Variants in SPIC observed in about 807,000 individuals in gnomAD.
The protein encoded by SPIC is Spi-C transcription factor, also known as transcription factor Spi-C.
In SPIC, 9 loss-of-function variants were observed where a neutral mutation model predicts 16.7. The ratio of observed to expected loss-of-function variants is 0.54; its 90% CI spans 0.33 to 0.94. The LOEUF is 0.94. Among genes scored for constraint, SPIC ranks in the 40% least tolerant of loss-of-function variants. The pLI is 0.03. For missense variants in SPIC, 241 were observed against 285.8 expected, an observed-to-expected ratio of 0.84 and a Z score of 1.13; for synonymous variants, 97 against 102.9, an observed-to-expected ratio of 0.94 and a Z score of 0.35.
chr12:101,486,442 T>C lies in SPIC; in HGVS notation c.418T>C (p.Phe140Leu). 6.2e-7 allele frequency: 1 copy of C among 1,614,176 alleles called. No individual in the cohort carries two copies. Among genetic ancestry groups the C allele is most frequent in the Non-Finnish European group, 8.5e-7 (1 of 1,180,040 alleles). ...GTGGGTAGATAAAACCAAAGGCATCTTTCAGTTTGTATCAAAAAACAAAGA... is the reference window on the plus strand; with the variant it reads ...GTGGGTAGATAAAACCAAAGGCATCCTTCAGTTTGTATCAAAAAACAAAGA... ...IQWVDKTKGI[F>L]QFVSKNKEKL... The change falls in exon 6 of 6, where the codon TTT (phenylalanine) becomes CTT (leucine). Residue 140 changes from phenylalanine (F) to leucine (L), a missense_variant. Physicochemically the swap from Phe to Leu is conservative, Grantham distance 22. Coordinates refer to ENST00000551346, the MANE Select transcript of SPIC (RefSeq NM_152323.3).
chr12:101,479,485 A>G, intron 3 of SPIC, 97 bp from the exon 4 acceptor site: 1 of 837,896 alleles, frequency 1.2e-6, no homozygotes, highest in Non-Finnish European at 1.9e-6. Context: ...CATAGATGAG[A>G]GCAATTGCAT....
chr12:101,482,457 C>T (rs1873233184), intron 4 of SPIC, among the ~76,000 whole-genome samples: 1 of 152,036 alleles, frequency 6.6e-6, no homozygotes, highest in Admixed American at 6.6e-5. Context: ...CTTTTCTTAT[C>T]TCCCCTTGCC....
intron 4 of SPIC, among the ~76,000 whole-genome samples, chr12:101,480,813 C>T (rs141051126): frequency 6.6e-6 from 1 of 152,148 alleles, no homozygotes; most frequent in African/African-American, 2.4e-5. Context: ...AGAGCAAGAC[C>T]CTGTCTCAAA....
intron 5 of SPIC, 35 bp from the exon 6 acceptor site, chr12:101,486,309 A>G (rs199658735): frequency 6.4e-7 from 1 of 1,568,882 alleles, no homozygotes; most frequent in Non-Finnish European, 8.6e-7. Context: ...GTTTACAGCC[A>G]CGGTGGAGTT....
rs576333188 is a variant in SPIC at position 101,484,332 on chromosome 12, G to A, written c.319+1432G>A. ...ACGGATCACCTGGGGTCAGGAGTTC[G>A]AGACGAACCTGGCCAACATGGTGAA... On this transcript the variant is annotated intron_variant, in intron 5 of 5. Transcript: ENST00000551346. 1.9e-3 allele frequency among the ~76,000 whole-genome samples: 288 copies of A among 151,756 alleles called. 1 individual carries two copies. The highest frequency in any genetic ancestry group is 2.9e-3 in the South Asian group (14 of 4,804).
rs143202291 is a variant in SPIC, at chr12:101,478,996, G to A, written c.98-586G>A. On this transcript the variant is annotated intron_variant, in intron 3 of 5. Transcript: ENST00000551346. ...TACAAAAAATACAAAAATTAGCCAA[G>A]TGTGGTGGCGTGTGCCTGGAGTCCC... Among the ~76,000 whole-genome samples the A allele has an allele frequency of 2.5e-3, 377 of 151,836 alleles. 6 individuals carry two copies. Among genetic ancestry groups the A allele is most frequent in the Middle Eastern group, 6.8e-3 (2 of 294 alleles).
chr12:101,479,819 T>A, intron 4 of SPIC, 125 bp downstream of exon 4: 2 of 103,370 alleles, frequency 1.9e-5, no homozygotes, highest in Non-Finnish European at 2.8e-5. Flanking sequence ...TTTTTCTTTC[T>A]TTTTTTTTTT....
intron 3 of SPIC, 93 bp downstream of exon 3, chr12:101,477,744 C>A: frequency 8.9e-7 from 1 of 1,120,708 alleles, no homozygotes; most frequent in Admixed American, 1.9e-5. Context: ...TGACCAGGTG[C>A]TGTGGCTCAC....
chr12:101,485,795 G>GT (rs1388113820), intron 5 of SPIC, among the ~76,000 whole-genome samples: 1 of 152,086 alleles, frequency 6.6e-6, no homozygotes, highest in Non-Finnish European at 1.5e-5. Context: ...GTTTTGTTTT[G>GT]TTTTTTGAGA....
At chr12:101,477,763 T>A in intron 3 of SPIC, 112 bp downstream of exon 3, 1 of 959,082 alleles carries the variant, frequency 1.0e-6, no homozygotes, top group Non-Finnish European at 1.6e-6. Flanking sequence ...ACATCTGTAA[T>A]CCCAGCACTT....
At chr12:101,476,990 T>C in intron 2 of SPIC, 83 bp downstream of exon 2, 1 of 724,208 alleles carries the variant, frequency 1.4e-6, no homozygotes, top group Non-Finnish European at 2.1e-6. Context: ...TTTTCTTTAC[T>C]CTCCCTCCAT....
At chr12:101,480,383 T>C (rs1873150780) in intron 4 of SPIC, among the ~76,000 whole-genome samples, 1 of 152,174 alleles carries the variant, frequency 6.6e-6, no homozygotes, top group Non-Finnish European at 1.5e-5. Flanking sequence ...ACCTACAGTC[T>C]TGTATTAGAC....
intron 2 of SPIC, among the ~76,000 whole-genome samples, chr12:101,477,250 T>C (rs35694850): frequency 0.41 from 63,016 of 152,102 alleles, 15,140 homozygotes; most frequent in Middle Eastern, 0.58. Context: ...CTAAATAGTA[T>C]ACTATAATGG....
At chr12:101,476,699 A>C (rs1872966612) in intron 1 of SPIC, 129 bp from the exon 2 acceptor site, 1 of 355,750 alleles carries the variant, frequency 2.8e-6, no homozygotes, top group South Asian at 1.4e-4. Flanking sequence ...TGTACTCATC[A>C]AAGAGAATTC....
chr12:101,477,649 C>T lies in SPIC; in HGVS notation c.95C>T (p.Pro32Leu). Residue 32 changes from proline (P) to leucine (L), a missense_variant and splice_region_variant, in exon 3 of 6, where the codon CCA (proline) becomes CTA (leucine). By Grantham distance (98) the Pro-to-Leu change is moderately conservative. Transcript: ENST00000551346. The part of the protein sequence containing the change: ...QHSTGDLQYS[P>L]DYRNYLALIN... The stretch of plus-strand genomic sequence containing the variant: ...TCAACTGGAGATCTTCAGTACTCGC[C>T]AGGTAAAGATGAGTCATTTACCCTC... 1.2e-6 allele frequency: 2 copies of T among 1,612,174 alleles called. No homozygotes were observed. The highest frequency in any genetic ancestry group is 2.2e-5 in the South Asian group (2 of 91,000).
At chr12:101,485,025 G>A (rs1444043064) in intron 5 of SPIC, among the ~76,000 whole-genome samples, 1 of 151,976 alleles carries the variant, frequency 6.6e-6, no homozygotes, top group Non-Finnish European at 1.5e-5. Flanking sequence ...TGTGTTTTTT[G>A]GTAAGTCCCT....
At chr12:101,484,878 TAAATAAAATA>T (rs1020588174) in intron 5 of SPIC, among the ~76,000 whole-genome samples, 1 of 151,528 alleles carries the variant, frequency 6.6e-6, no homozygotes, top group African/African-American at 2.4e-5. Flanking sequence ...CAAAAATTAA[TAAATAAAATA>T]AAATAAAATA....
chr12:101,481,510 ATT>A (rs72107180), intron 4 of SPIC, among the ~76,000 whole-genome samples: 17 of 130,114 alleles, frequency 1.3e-4, no homozygotes, highest in Admixed American at 1.6e-4. Context: ...CCCACAGCTA[ATT>A]TTTTTTTTTT....
At position 101,479,302 on chromosome 12, in the gene SPIC, AAGAAAAAAGAAAGAAAG is replaced by A. The variant is rs1342652388; in HGVS notation, c.98-278_98-262del. Among the ~76,000 whole-genome samples the A allele has an allele frequency of 7.2e-4, 22 of 30,514 alleles. 1 individual carries two copies. The highest frequency in any genetic ancestry group is 2.8e-3 in the African/African-American group (18 of 6,338). The allele number at this position is 30,514 out of a possible 152,430, so 20.0% of individuals were successfully genotyped here. ...AGAAAGAAAAAGAAAGAAAGAAAGA[AAGAAAAAAGAAAGAAAG>A]AAAGAAAGAAAGAAAGAAAGAAAGA... On this transcript the variant is annotated intron_variant, in intron 3 of 5. Coordinates refer to ENST00000551346, the MANE Select transcript of SPIC (RefSeq NM_152323.3).
Sources: gnomAD v4.1 joint callset for allele counts (sites outside exome capture counted in the v4.1 genomes callset) on GRCh38, gnomAD v4.1.1 for gene constraint, MANE v1.5 for transcripts, NCBI Gene and HGNC (gene_info 2026-07-23, HGNC 2026-07-21) for gene names.